Variants in HIVEP3 observed in about 807,000 individuals in gnomAD.
HIVEP3 encodes HIVEP zinc finger 3, also known as transcription factor HIVEP3.
A neutral mutation model predicts 152.8 loss-of-function variants in HIVEP3; 49 were observed. The observed-to-expected ratio is 0.32, with a 90% CI of 0.26 to 0.41. The LOEUF is 0.41. Ranked by LOEUF, HIVEP3 falls within the 10% of genes least tolerant of loss-of-function variation. The pLI, the probability that HIVEP3 is intolerant of heterozygous loss-of-function variation, is 1.00. For synonymous variants in HIVEP3, 1,269 were observed against 1,289.0 expected, an observed-to-expected ratio of 0.98 and a Z score of 0.33; for missense variants, 2,790 against 3,103.3, an observed-to-expected ratio of 0.90 and a Z score of 2.40.
chr1:41,508,297 C>T lies in HIVEP3; in HGVS notation c.*2154G>A, dbSNP rs777569988. 1.3e-5 allele frequency: 2 copies of T among 152,198 alleles called. No individual in the cohort carries two copies. Among genetic ancestry groups the T allele is most frequent in the African/African-American group, 2.4e-5 (1 of 41,438 alleles). The allele number at this position is 152,198 out of a possible 1,614,324, so 9.4% of individuals were successfully genotyped here. On this transcript the variant is annotated 3_prime_UTR_variant, in exon 9 of 9. Coordinates refer to ENST00000372583, the MANE Select transcript of HIVEP3 (RefSeq NM_024503.5). ...ACCTCAGCCCTTGAAGTCTCCAATC[C>T]GTGGGCAGTCCCATGGGTTAGGGCT...
chr1:41,784,984 A>T lies in HIVEP3; in HGVS notation c.-800-83989T>A, dbSNP rs7515338. 6.4e-3 allele frequency among the ~76,000 whole-genome samples: 981 copies of T among 152,346 alleles called. 12 individuals carry two copies. The highest frequency in any genetic ancestry group is 0.022 in the African/African-American group (906 of 41,576). ...CAAATCCAGTTCCCCAAAGTTTTGAAAAATACTGTTAATTGTTGACTGAGA... is the reference window on the plus strand; with the variant it reads ...CAAATCCAGTTCCCCAAAGTTTTGATAAATACTGTTAATTGTTGACTGAGA... On this transcript the variant is annotated intron_variant, in intron 1 of 8. Coordinates refer to ENST00000372583, the MANE Select transcript of HIVEP3 (RefSeq NM_024503.5).
intron 1 of HIVEP3, among the ~76,000 whole-genome samples, chr1:41,724,542 T>G (rs1646724430): frequency 6.6e-6 from 1 of 152,248 alleles, no homozygotes; most frequent in Non-Finnish European, 1.5e-5. Context: ...AGGAGGTTCC[T>G]GCACATCTGG....
intron 1 of HIVEP3, among the ~76,000 whole-genome samples, chr1:41,960,596 T>A (rs1311163684): frequency 6.6e-6 from 1 of 152,144 alleles, no homozygotes; most frequent in East Asian, 1.9e-4. Flanking sequence ...AAACCACATT[T>A]TTTCCTAGTT....
intron 2 of HIVEP3, among the ~76,000 whole-genome samples, chr1:41,651,944 A>T (rs1168443089): frequency 6.6e-6 from 1 of 152,216 alleles, no homozygotes; most frequent in Admixed American, 6.5e-5. Flanking sequence ...CTATGTTTTT[A>T]GTTAGTTGAT....
At position 41,579,643 on chromosome 1, in the gene HIVEP3, T is replaced by C. The variant is rs1017287603; in HGVS notation, c.5061+94A>G. On this transcript the variant is annotated intron_variant, in intron 4 of 8. Transcript: ENST00000372583. ...AATCTGACTACTAGTCTGGCTCTAG[T>C]TCTGCAACTGGAACCTGAGGATACT... 1.6e-5 allele frequency: 23 copies of C among 1,430,506 alleles called. No homozygotes were observed. The Middle Eastern group carries it at 7.9e-4, about 49-fold the overall frequency. The allele number at this position is 1,430,506 out of a possible 1,614,324, so 88.6% of individuals were successfully genotyped here.
At chr1:41,942,523 G>A (rs1421198615) in intron 1 of HIVEP3, among the ~76,000 whole-genome samples, 1 of 152,226 alleles carries the variant, frequency 6.6e-6, no homozygotes, top group Non-Finnish European at 1.5e-5. Flanking sequence ...CAAGAATGCA[G>A]AGTGGTATAA....
chr1:41,888,783 C>A (rs916641019), intron 1 of HIVEP3, among the ~76,000 whole-genome samples: 3 of 130,656 alleles, frequency 2.3e-5, no homozygotes, highest in Non-Finnish European at 4.8e-5. Context: ...CCCCACATAC[C>A]TCATACACAT....
intron 1 of HIVEP3, among the ~76,000 whole-genome samples, chr1:42,006,448 T>C (rs1164918740): frequency 6.6e-6 from 1 of 152,140 alleles, no homozygotes; most frequent in Non-Finnish European, 1.5e-5. Flanking sequence ...CTATATTATT[T>C]GCCATATCAG....
chr1:41,719,571 T>C (rs1466889145), intron 1 of HIVEP3, among the ~76,000 whole-genome samples: 1 of 152,236 alleles, frequency 6.6e-6, no homozygotes, highest in Non-Finnish European at 1.5e-5. Context: ...CCTGAACTAG[T>C]AGTCAGCTGT....
Position 41,888,017 on chromosome 1 carries a change from T to C in HIVEP3, c.-801+30396A>G, listed in dbSNP as rs1644373358. ...CCCATCACACCCCCACCCCAGGCTC[T>C]ACTGTTAAGCCCAGCTGAACTTTTT... is the stretch of plus-strand genomic sequence containing the variant. On this transcript the variant is annotated intron_variant, in intron 1 of 8. Transcript: ENST00000372583. Among the ~76,000 whole-genome samples the C allele has an allele frequency of 2.0e-5, 3 of 151,286 alleles. 1 individual carries two copies. In the South Asian group the frequency reaches 6.3e-4, roughly 32 times the overall value.
intron 1 of HIVEP3, among the ~76,000 whole-genome samples, chr1:41,731,962 G>A (rs1053097474): frequency 5.9e-5 from 9 of 152,362 alleles, no homozygotes; most frequent in African/African-American, 9.6e-5. Context: ...TCCCCTGACC[G>A]AGTGTTTCTC....
chr1:41,938,237 A>T (rs770762833), intron 1 of HIVEP3, among the ~76,000 whole-genome samples: 1 of 152,162 alleles, frequency 6.6e-6, no homozygotes, highest in Non-Finnish European at 1.5e-5. Flanking sequence ...CCTATATGGC[A>T]TGGACCAAAA....
chr1:41,728,944 T>C (rs1473466174), intron 1 of HIVEP3, among the ~76,000 whole-genome samples: 2 of 152,142 alleles, frequency 1.3e-5, no homozygotes, highest in African/African-American at 4.8e-5. Flanking sequence ...CTCATTTGCA[T>C]AGGGAGAGCA....
intron 1 of HIVEP3, among the ~76,000 whole-genome samples, chr1:41,906,502 A>G (rs1644712587): frequency 1.3e-5 from 2 of 152,186 alleles, no homozygotes; most frequent in South Asian, 4.1e-4. Flanking sequence ...CTCTGGTTTT[A>G]GAAAACAGAG....
intron 1 of HIVEP3, among the ~76,000 whole-genome samples, chr1:41,929,307 C>G (rs557321387): frequency 3.3e-5 from 5 of 152,204 alleles, no homozygotes; most frequent in South Asian, 4.1e-4. Context: ...AGTTATAACC[C>G]AATATATCCT....
At chr1:41,977,657 T>C (rs1449556550) in intron 1 of HIVEP3, among the ~76,000 whole-genome samples, 2 of 152,166 alleles carry the variant, frequency 1.3e-5, no homozygotes, top group Non-Finnish European at 2.9e-5. Flanking sequence ...AGTAATATAT[T>C]CCTTGAAAAG....
At chr1:41,808,761 T>C (rs942612425) in intron 1 of HIVEP3, among the ~76,000 whole-genome samples, 1 of 152,188 alleles carries the variant, frequency 6.6e-6, no homozygotes, top group African/African-American at 2.4e-5. Flanking sequence ...CCAAATTATG[T>C]GTGACATCCA....
At chr1:41,648,311 T>C (rs1396950307) in intron 2 of HIVEP3, among the ~76,000 whole-genome samples, 1 of 152,150 alleles carries the variant, frequency 6.6e-6, no homozygotes, top group African/African-American at 2.4e-5. Flanking sequence ...CTGAGCAAAG[T>C]ATTAAACGAG....
intron 1 of HIVEP3, among the ~76,000 whole-genome samples, chr1:41,711,999 G>T (rs945256641): frequency 6.6e-6 from 1 of 152,186 alleles, no homozygotes; most frequent in East Asian, 1.9e-4. Context: ...CCAGCAGGTC[G>T]CTAATCCCAG....
Sources: gnomAD v4.1 joint callset for allele counts (sites outside exome capture counted in the v4.1 genomes callset) on GRCh38, gnomAD v4.1.1 for gene constraint, MANE v1.5 for transcripts, NCBI Gene and HGNC (gene_info 2026-07-23, HGNC 2026-07-21) for gene names.